Variants in MSR1 observed in about 807,000 individuals in gnomAD.
MSR1 encodes macrophage scavenger receptor types I and II.
MSR1 carries 53 observed loss-of-function variants against 47.2 expected under a neutral mutation model. The observed-to-expected ratio is 1.12, with a 90% confidence interval of 0.90 to 1.41. The LOEUF is 1.41. MSR1 is among the 40% of genes most tolerant of loss of function. The pLI, the probability that MSR1 is intolerant of heterozygous loss-of-function variation, is 0.00. For synonymous variants in MSR1, 239 were observed against 185.6 expected (o/e 1.29, Z -2.34); for missense variants, 786 against 546.9 (o/e 1.44, Z -4.36).
chr8:16,148,963 G>C (rs1475866899), intron 7 of MSR1, among the ~76,000 whole-genome samples: 1 of 152,134 alleles, frequency 6.6e-6, no homozygotes, highest in Non-Finnish European at 1.5e-5. Flanking sequence ...CCAACTATAT[G>C]ACATTCTGGA....
In MSR1 at chr8:16,127,541, C is replaced by T. The variant is rs550407444; in HGVS notation, c.1034-6935G>A. Among the ~76,000 whole-genome samples the T allele has an allele frequency of 2.6e-5, 4 of 152,250 alleles. No individual in the cohort carries two copies. In the South Asian group the frequency reaches 8.3e-4, roughly 32 times the overall value. On this transcript the variant is annotated intron_variant, in intron 8 of 9. Coordinates refer to ENST00000262101, the MANE Select transcript of MSR1 (RefSeq NM_138715.3). Reference sequence around the variant, plus strand: ...GCAATGAGTATATCTTATCTCTACACACAATAGCTTGTCAAGGGGAAAGCT... The same window carrying T: ...GCAATGAGTATATCTTATCTCTACATACAATAGCTTGTCAAGGGGAAAGCT...
chr8:16,118,123 T>C (rs1183813168), intron 9 of MSR1, among the ~76,000 whole-genome samples: 2 of 151,970 alleles, frequency 1.3e-5, no homozygotes, highest in Non-Finnish European at 2.9e-5. Flanking sequence ...GATACTTTTC[T>C]TTTTTTTATA....
intron 1 of MSR1, among the ~76,000 whole-genome samples, chr8:16,186,966 T>A (rs191880625): frequency 6.6e-6 from 1 of 152,158 alleles, no homozygotes; most frequent in Admixed American, 6.6e-5. Flanking sequence ...CATTCTTGAA[T>A]TAATTCTCCA....
chr8:16,140,977 G>A (rs1180016177), intron 8 of MSR1: 6 of 1,613,950 alleles, frequency 3.7e-6, no homozygotes, highest in Non-Finnish European at 4.2e-6. Context: ...GGTAGCAGAG[G>A]ATGTCCCGCC....
intron 6 of MSR1, among the ~76,000 whole-genome samples, chr8:16,153,550 G>A (rs898325959): frequency 7.9e-5 from 12 of 151,458 alleles, no homozygotes; most frequent in African/African-American, 2.2e-4. Context: ...ATGACAAATC[G>A]TTAATTTACA....
chr8:16,185,800 A>C (rs1801979080), intron 1 of MSR1, among the ~76,000 whole-genome samples: 1 of 152,038 alleles, frequency 6.6e-6, no homozygotes, highest in African/African-American at 2.4e-5. Flanking sequence ...ATTTTAACAA[A>C]GAATCGTAGG....
chr8:16,162,475 A>C (rs73665242), intron 5 of MSR1, among the ~76,000 whole-genome samples: 14,341 of 152,114 alleles, frequency 0.094, 809 homozygotes, highest in Admixed American at 0.19. Flanking sequence ...ATTCATGCGC[A>C]AATTTAAATA....
intron 8 of MSR1, among the ~76,000 whole-genome samples, chr8:16,128,693 A>G (rs1006772841): frequency 6.6e-6 from 1 of 152,190 alleles, no homozygotes; most frequent in African/African-American, 2.4e-5. Flanking sequence ...ACTTAAAAAT[A>G]CAAGCTGCTT....
At chr8:16,180,375 CAG>C (rs1801793336) in intron 1 of MSR1, among the ~76,000 whole-genome samples, 1 of 152,080 alleles carries the variant, frequency 6.6e-6, no homozygotes, top group African/African-American at 2.4e-5. Flanking sequence ...GCCTCACCAC[CAG>C]AGTTTCTGAT....
chr8:16,129,087 T>C (rs1227593101), intron 8 of MSR1, among the ~76,000 whole-genome samples: 1 of 152,186 alleles, frequency 6.6e-6, no homozygotes, highest in Non-Finnish European at 1.5e-5. Context: ...GTAAATCATA[T>C]GAAGTTTTAG....
chr8:16,167,550 C>G (rs1801349566), intron 4 of MSR1, among the ~76,000 whole-genome samples: 1 of 142,044 alleles, frequency 7.0e-6, no homozygotes, highest in South Asian at 2.4e-4. Context: ...ATCTCAAAAA[C>G]AAACAAACAA....
At chr8:16,124,420 A>T (rs1317921158) in intron 8 of MSR1, among the ~76,000 whole-genome samples, 1 of 152,224 alleles carries the variant, frequency 6.6e-6, no homozygotes, top group African/African-American at 2.4e-5. Context: ...TACTCTTGTC[A>T]AGTGACTTGT....
chr8:16,164,757 T>C lies in MSR1; in HGVS notation c.631-506A>G, dbSNP rs1413694350. 2.0e-5 allele frequency among the ~76,000 whole-genome samples: 3 copies of C among 152,050 alleles called. 1 individual carries two copies. The highest frequency in any genetic ancestry group is 2.1e-4 in the South Asian group (1 of 4,834). ...TACTCAATAAAACCTCGAACTCGCA[T>C]ATTAACAGTGCTTTACTTTCAGTTT... On this transcript the variant is annotated intron_variant, in intron 4 of 9. Transcript: ENST00000262101.
chr8:16,192,318 G>C (rs1222944620), intron 1 of MSR1, among the ~76,000 whole-genome samples: 1 of 151,932 alleles, frequency 6.6e-6, no homozygotes, highest in African/African-American at 2.4e-5. Context: ...CCCCATTGCT[G>C]GTTCAAACTA....
At chr8:16,151,471 T>G (rs1366179262) in intron 6 of MSR1, among the ~76,000 whole-genome samples, 3 of 152,154 alleles carry the variant, frequency 2.0e-5, no homozygotes, top group African/African-American at 7.2e-5. Flanking sequence ...GTTTGTTTAA[T>G]GATGGTTCAA....
At chr8:16,174,946 A>G (rs1801597202) in intron 3 of MSR1, among the ~76,000 whole-genome samples, 1 of 152,066 alleles carries the variant, frequency 6.6e-6, no homozygotes, top group South Asian at 2.1e-4. Flanking sequence ...ACAAATCTGT[A>G]TTTTTATCTT....
At chr8:16,140,916 A>G in intron 8 of MSR1, 1 of 1,611,008 alleles carries the variant, frequency 6.2e-7, no homozygotes, top group Non-Finnish European at 8.5e-7. Flanking sequence ...GGATCTTGGA[A>G]GTCAGTTGTG....
At chr8:16,149,861 T>C (rs926807055) in intron 7 of MSR1, among the ~76,000 whole-genome samples, 1 of 151,932 alleles carries the variant, frequency 6.6e-6, no homozygotes, top group Non-Finnish European at 1.5e-5. Flanking sequence ...TCAACTCTCT[T>C]TGTTCAAAGA....
At chr8:16,117,667 T>C (rs1272668932) in intron 9 of MSR1, among the ~76,000 whole-genome samples, 1 of 152,078 alleles carries the variant, frequency 6.6e-6, no homozygotes, top group African/African-American at 2.4e-5. Context: ...ACATGCTATC[T>C]TAGTGAAGCA....
Sources: allele counts gnomAD v4.1 joint callset (sites outside exome capture counted in the v4.1 genomes callset), GRCh38; gene constraint gnomAD v4.1.1; transcripts MANE v1.5; gene names NCBI Gene and HGNC (gene_info 2026-07-23, HGNC 2026-07-21).